Variants in KLHL1 observed in about 807,000 individuals in gnomAD.
KLHL1 encodes the protein kelch-like protein 1.
A neutral mutation model predicts 77.7 loss-of-function variants in KLHL1; 47 were observed. The ratio of observed to expected loss-of-function variants is 0.60; its 90% CI spans 0.48 to 0.77. KLHL1 has a LOEUF of 0.77. KLHL1 is among the 30% of genes least tolerant of loss of function. The probability of loss-of-function intolerance (pLI) is 0.00; values close to 1 mark genes in which losing one functional copy is unlikely to be tolerated. For synonymous variants in KLHL1, 360 were observed against 325.2 expected, an observed-to-expected ratio of 1.11 and a Z score of -1.15; for missense variants, 925 against 910.8, an observed-to-expected ratio of 1.02 and a Z score of -0.20.
intron 1 of KLHL1, among the ~76,000 whole-genome samples, chr13:70,018,792 T>C: frequency 6.6e-6 from 1 of 152,160 alleles, no homozygotes; most frequent in East Asian, 1.9e-4. Flanking sequence ...GTTGAATCAA[T>C]GGTTAGAACA....
intron 1 of KLHL1, among the ~76,000 whole-genome samples, chr13:70,018,204 T>C (rs1885707684): frequency 6.6e-6 from 1 of 152,242 alleles, no homozygotes; most frequent in Non-Finnish European, 1.5e-5. Context: ...TTTGCATATG[T>C]TAATACAATC....
chr13:69,885,024 T>C (rs1881155656), intron 4 of KLHL1, among the ~76,000 whole-genome samples: 1 of 141,156 alleles, frequency 7.1e-6, no homozygotes, highest in East Asian at 2.0e-4. Flanking sequence ...CACTGCAAGC[T>C]CCGCTTCCCG....
At chr13:69,939,130 T>C (rs1888900) in intron 4 of KLHL1, among the ~76,000 whole-genome samples, 20,555 of 150,848 alleles carry the variant, frequency 0.14, 2,293 homozygotes, top group African/African-American at 0.29. Context: ...CAGGCACCCA[T>C]GCTATTAAAT....
chr13:69,912,560 T>A (rs1489733131), intron 4 of KLHL1, among the ~76,000 whole-genome samples: 1 of 152,208 alleles, frequency 6.6e-6, no homozygotes, highest in Non-Finnish European at 1.5e-5. Context: ...TTTTTAAATT[T>A]TTTTTTATTA....
intron 5 of KLHL1, among the ~76,000 whole-genome samples, chr13:69,874,964 A>G (rs1389044917): frequency 1.3e-5 from 2 of 152,130 alleles, no homozygotes; most frequent in Non-Finnish European, 2.9e-5. Flanking sequence ...CTACAGGTAA[A>G]TTGTTTTTTG....
intron 4 of KLHL1, among the ~76,000 whole-genome samples, chr13:69,927,586 T>C (rs1003569453): frequency 2.0e-5 from 3 of 152,156 alleles, no homozygotes; most frequent in African/African-American, 7.2e-5. Context: ...CAATTAAAAA[T>C]GGTCAAGAGT....
At chr13:69,749,222 A>G (rs981156262) in intron 7 of KLHL1, among the ~76,000 whole-genome samples, 2 of 152,014 alleles carry the variant, frequency 1.3e-5, no homozygotes, top group South Asian at 2.1e-4. Context: ...TACTAAAAAT[A>G]TCTTTATAGA....
intron 1 of KLHL1, among the ~76,000 whole-genome samples, chr13:70,084,625 T>TTTTTTC (rs1887483818): frequency 1.2e-5 from 1 of 86,736 alleles, no homozygotes; most frequent in Non-Finnish European, 2.6e-5. Context: ...CGCCAGGCTT[T>TTTTTTC]TTTTTTTTTT....
intron 1 of KLHL1, among the ~76,000 whole-genome samples, chr13:70,101,458 C>T (rs1333241112): frequency 8.6e-5 from 13 of 152,040 alleles, no homozygotes; most frequent in African/African-American, 2.4e-4. Flanking sequence ...GACGAAGTCT[C>T]GCTCTTGTCC....
intron 1 of KLHL1, among the ~76,000 whole-genome samples, chr13:70,061,714 A>G (rs1033973487): frequency 6.6e-6 from 1 of 150,596 alleles, no homozygotes; most frequent in Non-Finnish European, 1.5e-5. Flanking sequence ...TCTTCTCTCC[A>G]CTCCAGGTTC....
intron 3 of KLHL1, among the ~76,000 whole-genome samples, chr13:69,942,255 A>G (rs1473248741): frequency 2.0e-5 from 3 of 152,026 alleles, no homozygotes; most frequent in Non-Finnish European, 4.4e-5. Flanking sequence ...GTGCCTACAT[A>G]TAAGGAATGT....
intron 7 of KLHL1, among the ~76,000 whole-genome samples, chr13:69,776,184 T>G (rs1019907170): frequency 6.6e-6 from 1 of 152,094 alleles, no homozygotes; most frequent in East Asian, 1.9e-4. Context: ...AAAAAAATAA[T>G]TGTTCTTATG....
At chr13:69,731,171 A>C (rs1873529196) in intron 8 of KLHL1, among the ~76,000 whole-genome samples, 1 of 152,172 alleles carries the variant, frequency 6.6e-6, no homozygotes. Flanking sequence ...CTATTGAGTA[A>C]AGTGACAATA....
chr13:69,852,367 A>G (rs1306532065), intron 5 of KLHL1, among the ~76,000 whole-genome samples: 5 of 151,964 alleles, frequency 3.3e-5, no homozygotes. Flanking sequence ...GGATGGTCCC[A>G]GAAATACCTT....
chr13:69,791,539 C>T (rs1876874126), intron 7 of KLHL1, among the ~76,000 whole-genome samples: 1 of 152,022 alleles, frequency 6.6e-6, no homozygotes, highest in South Asian at 2.1e-4. Flanking sequence ...AAAACTACTA[C>T]AAAGCTTCAG....
At chr13:69,746,581 T>A (rs1874223393) in intron 7 of KLHL1, among the ~76,000 whole-genome samples, 1 of 152,068 alleles carries the variant, frequency 6.6e-6, no homozygotes, top group Non-Finnish European at 1.5e-5. Context: ...ATTTTAATAT[T>A]TTCTTACTTG....
At chr13:70,029,966 C>T (rs1886052388) in intron 1 of KLHL1, among the ~76,000 whole-genome samples, 1 of 152,160 alleles carries the variant, frequency 6.6e-6, no homozygotes, top group Admixed American at 6.5e-5. Context: ...TCTGATAAAA[C>T]AGACTTTAAA....
chr13:69,993,829 G>A (rs1328839963), intron 1 of KLHL1, among the ~76,000 whole-genome samples: 1 of 152,008 alleles, frequency 6.6e-6, no homozygotes, highest in Non-Finnish European at 1.5e-5. Flanking sequence ...TTGAGTGTTT[G>A]GTACTAGGGA....
Position 69,894,797 on chromosome 13 carries a change from T to C in KLHL1, c.1015-12302A>G, listed in dbSNP as rs181689503. 394 of 234,032 alleles carry C rather than the reference T, an allele frequency of 1.7e-3. 2 individuals carry two copies. Among genetic ancestry groups the C allele is most frequent in the African/African-American group, 7.6e-3 (331 of 43,498 alleles). The allele number at this position is 234,032 out of a possible 1,614,324, so 14.5% of individuals were successfully genotyped here. On this transcript the variant is annotated intron_variant, in intron 4 of 10. Transcript: ENST00000377844. ...TGTGAGAGGAAGCTCCACAAATTCC[T>C]TAATTTCTGGGATTTGGTTGGCCAA... is the stretch of plus-strand genomic sequence containing the variant.
Sources: gnomAD v4.1 joint callset for allele counts (sites outside exome capture counted in the v4.1 genomes callset) on GRCh38, gnomAD v4.1.1 for gene constraint, MANE v1.5 for transcripts, NCBI Gene and HGNC (gene_info 2026-07-23, HGNC 2026-07-21) for gene names.